The following DGKD variants were observed in gnomAD, a reference collection of about 807,000 sequenced individuals.
DGKD encodes DAG kinase delta.
DGKD carries 68 observed loss-of-function variants against 154.4 expected under a neutral mutation model. The observed-to-expected ratio is 0.44, with a 90% CI of 0.36 to 0.54. The LOEUF is 0.54. Ranked by LOEUF, DGKD falls within the 20% of genes least tolerant of loss-of-function variation. The pLI, the probability that DGKD is intolerant of heterozygous loss-of-function variation, is 0.00. For missense variants in DGKD, 1,343 were observed against 1,593.6 expected, an observed-to-expected ratio of 0.84 and a Z score of 2.68; for synonymous variants, 693 against 638.0, an observed-to-expected ratio of 1.09 and a Z score of -1.30.
At position 233,422,621 on chromosome 2, in the gene DGKD, A is replaced by G. The variant is rs139595074; in HGVS notation, c.349-11759A>G. Reference sequence around the variant, plus strand: ...TAACTACAAATACAGGACTTTAGATAAGATTACACTTTTAACTTGCGCTGC... The same window carrying G: ...TAACTACAAATACAGGACTTTAGATGAGATTACACTTTTAACTTGCGCTGC... On this transcript the variant is annotated intron_variant, in intron 3 of 29. Coordinates refer to ENST00000264057, the MANE Select transcript of DGKD (RefSeq NM_152879.3). Among the ~76,000 whole-genome samples the G allele has an allele frequency of 5.1e-4, 78 of 152,342 alleles. 1 individual carries two copies. In the East Asian group the frequency reaches 0.015, roughly 29 times the overall value.
intron 1 of DGKD, among the ~76,000 whole-genome samples, chr2:233,368,285 C>T (rs1199795597): frequency 3.3e-5 from 5 of 151,914 alleles, no homozygotes; most frequent in Non-Finnish European, 2.9e-5. Context: ...AAGGCTCAGG[C>T]GATCACTTGA....
At chr2:233,366,589 C>T (rs1267237407) in intron 1 of DGKD, among the ~76,000 whole-genome samples, 1 of 152,144 alleles carries the variant, frequency 6.6e-6, no homozygotes, top group Non-Finnish European at 1.5e-5. Flanking sequence ...TCCACTACCC[C>T]AGTTTTGCCA....
chr2:233,360,505 C>A (rs764889175), intron 1 of DGKD, among the ~76,000 whole-genome samples: 7 of 151,838 alleles, frequency 4.6e-5, no homozygotes, highest in Non-Finnish European at 1.0e-4. Context: ...CGATCCTCCC[C>A]CTTTGGCTTC....
At chr2:233,428,933 CAT>C (rs2062412374) in intron 3 of DGKD, among the ~76,000 whole-genome samples, 1 of 152,136 alleles carries the variant, frequency 6.6e-6, no homozygotes, top group African/African-American at 2.4e-5. Context: ...GGTTCTCTGA[CAT>C]TTATCTGTTG....
chr2:233,425,087 T>C (rs948850099), intron 3 of DGKD, among the ~76,000 whole-genome samples: 1 of 152,224 alleles, frequency 6.6e-6, no homozygotes, highest in African/African-American at 2.4e-5. Flanking sequence ...TGGAAAATCA[T>C]GTACTTGAAT....
chr2:233,355,245 C>T lies in DGKD; in HGVS notation c.156+571C>T, dbSNP rs552994146. On this transcript the variant is annotated intron_variant, in intron 1 of 29. Coordinates refer to ENST00000264057, the MANE Select transcript of DGKD (RefSeq NM_152879.3). ...AGGGATGCGCGTTCAGTGACCGTCT[C>T]TCTCAGCAAAGCCGGGACCGCGCAC... Among the ~76,000 whole-genome samples the T allele has an allele frequency of 2.6e-5, 4 of 152,334 alleles. No homozygotes were observed. In the South Asian group the frequency reaches 8.3e-4, roughly 32 times the overall value.
intron 24 of DGKD, 119 bp downstream of exon 24, chr2:233,460,464 C>T: frequency 6.2e-6 from 8 of 1,294,582 alleles, no homozygotes; most frequent in Non-Finnish European, 6.3e-6. Context: ...GTCTGCATTA[C>T]CCATGAGGGC....
At position 233,449,964 on chromosome 2, in the gene DGKD, C is replaced by A; in HGVS notation, c.1889-18C>A. 6.4e-7 allele frequency: 1 copy of A among 1,574,482 alleles called. No homozygotes were observed. On this transcript the variant is annotated intron_variant, in intron 15 of 29. Transcript: ENST00000264057. This position sits in a 1 kb window ranked among gnomAD's most constrained non-coding sequence, Gnocchi z 5.3. The stretch of plus-strand genomic sequence containing the variant: ...CTTTGCACCCGCGTGCTCAGCCGCA[C>A]ACACTCTCCTTGCACAGCTGTCGAT...
chr2:233,399,517 C>T (rs1161491868), intron 3 of DGKD, among the ~76,000 whole-genome samples: 2 of 152,134 alleles, frequency 1.3e-5, no homozygotes, highest in African/African-American at 2.4e-5. Context: ...ATGGGGGTTC[C>T]CTGCCTGTGG....
chr2:233,421,598 C>A (rs918249081), intron 3 of DGKD, among the ~76,000 whole-genome samples: 1 of 152,156 alleles, frequency 6.6e-6, no homozygotes, highest in Admixed American at 6.5e-5. Context: ...GCCCCAGCCA[C>A]GCACCACGCG....
intron 24 of DGKD, 34 bp from the exon 25 acceptor site, chr2:233,462,314 C>A: frequency 6.4e-7 from 1 of 1,552,904 alleles, no homozygotes; most frequent in Non-Finnish European, 8.8e-7. Context: ...TTCCATTTGG[C>A]CTGACATCTG....
intron 1 of DGKD, among the ~76,000 whole-genome samples, chr2:233,363,977 T>C (rs1055790075): frequency 1.3e-5 from 2 of 152,186 alleles, no homozygotes; most frequent in African/African-American, 4.8e-5. Flanking sequence ...AACTGATAAC[T>C]GTAGCACCGT....
At chr2:233,456,459 T>G (rs2063465165) in intron 19 of DGKD, among the ~76,000 whole-genome samples, 1 of 152,228 alleles carries the variant, frequency 6.6e-6, no homozygotes, top group African/African-American at 2.4e-5. Context: ...ACTTGGCATT[T>G]GTCATTAGCA....
intron 1 of DGKD, among the ~76,000 whole-genome samples, chr2:233,387,352 T>C (rs1023877891): frequency 6.6e-6 from 1 of 152,228 alleles, no homozygotes; most frequent in Non-Finnish European, 1.5e-5. Flanking sequence ...CCTTGTGGAC[T>C]GGGCATTTCC....
At chr2:233,466,403 C>T (rs1405262237) in intron 27 of DGKD, among the ~76,000 whole-genome samples, 1 of 151,896 alleles carries the variant, frequency 6.6e-6, no homozygotes, top group Non-Finnish European at 1.5e-5. Flanking sequence ...ATCCTTTTAT[C>T]TTTAGTAATT....
intron 4 of DGKD, 27 bp downstream of exon 4, chr2:233,434,511 A>G (rs750624748): frequency 7.5e-6 from 12 of 1,602,466 alleles, no homozygotes; most frequent in South Asian, 3.3e-5. Flanking sequence ...CCCTTCTCCA[A>G]ATGCCTCCTG....
chr2:233,354,495 C>T lies in DGKD; in HGVS notation c.-24C>T. 1.0e-6 allele frequency: 1 copy of T among 973,468 alleles called. No homozygotes were observed. Among genetic ancestry groups the T allele is most frequent in the Middle Eastern group, 5.3e-4 (1 of 1,902 alleles). 60.3% of individuals were successfully genotyped at this position (973,468 alleles called of 1,614,324 possible). ...GCCGGCCCCGCCCCGCCCCCGCCCGCGGTGCGCGCGCTGGCCCGGCAGCAT... is the reference window on the plus strand; with the variant it reads ...GCCGGCCCCGCCCCGCCCCCGCCCGTGGTGCGCGCGCTGGCCCGGCAGCAT... On this transcript the variant is annotated 5_prime_UTR_variant, in exon 1 of 30. Transcript: ENST00000264057. The surrounding 1 kb of genome is among the most constrained non-coding windows in gnomAD (Gnocchi z 4.8).
chr2:233,361,797 A>G (rs1701793888), intron 1 of DGKD, among the ~76,000 whole-genome samples: 1 of 149,696 alleles, frequency 6.7e-6, no homozygotes, highest in Admixed American at 6.7e-5. Context: ...GATACTAGAC[A>G]TTTTTTTTTT....
At chr2:233,382,896 T>C (rs1209035128) in intron 1 of DGKD, among the ~76,000 whole-genome samples, 4 of 152,226 alleles carry the variant, frequency 2.6e-5, no homozygotes, top group African/African-American at 9.6e-5. Context: ...TTCTGTGGCA[T>C]CCTCCAGGGT....
Sources: gnomAD v4.1 joint callset for allele counts (sites outside exome capture counted in the v4.1 genomes callset) on GRCh38, gnomAD v4.1.1 for gene constraint, Gnocchi (gnomAD v3.1) non-coding constraint, MANE v1.5 for transcripts, NCBI Gene and HGNC (gene_info 2026-07-23, HGNC 2026-07-21) for gene names.